Variants in TLN2 observed in about 807,000 individuals in gnomAD.
The protein encoded by TLN2 is talin 2.
In TLN2, 118 loss-of-function variants were observed where a neutral mutation model predicts 294.7. The observed-to-expected ratio is 0.40, with a 90% CI of 0.34 to 0.47. The LOEUF (loss-of-function observed/expected upper bound fraction) is 0.47, where lower values mean the gene tolerates loss of function less well. Among genes scored for constraint, TLN2 ranks in the 20% least tolerant of loss-of-function variants. The probability of loss-of-function intolerance (pLI) is 0.84; values close to 1 mark genes in which losing one functional copy is unlikely to be tolerated. For missense variants in TLN2, 3,083 were observed against 3,282.2 expected, an observed-to-expected ratio of 0.94 and a Z score of 1.48; for synonymous variants, 1,431 against 1,304.5, an observed-to-expected ratio of 1.10 and a Z score of -2.09.
intron 1 of TLN2, among the ~76,000 whole-genome samples, chr15:62,428,104 T>C (rs1259380170): frequency 6.6e-6 from 1 of 152,194 alleles, no homozygotes; most frequent in Admixed American, 6.5e-5. Context: ...GTCTTGGGTT[T>C]CACAGTCCCA....
intron 9 of TLN2, among the ~76,000 whole-genome samples, chr15:62,664,875 A>AAAAAAAAAAAAAAAATG (rs1555462003): frequency 6.8e-6 from 1 of 146,488 alleles, no homozygotes; most frequent in African/African-American, 2.7e-5. Context: ...AAAAAAAAAA[A>AAAAAAAAAAAAAAAATG]AAAGTGGCTA....
chr15:62,470,414 A>G (rs1361542354), intron 1 of TLN2, among the ~76,000 whole-genome samples: 1 of 152,266 alleles, frequency 6.6e-6, no homozygotes. Flanking sequence ...CCTTAAGTCA[A>G]AGGCCTGGGC....
chr15:62,667,884 T>G (rs1018616165), intron 9 of TLN2, among the ~76,000 whole-genome samples: 1 of 152,246 alleles, frequency 6.6e-6, no homozygotes, highest in Non-Finnish European at 1.5e-5. Flanking sequence ...GTGAAGATAC[T>G]GCCATTTGTG....
intron 1 of TLN2, among the ~76,000 whole-genome samples, chr15:62,513,913 G>GATTT (rs1310460361): frequency 6.6e-6 from 1 of 152,204 alleles, no homozygotes; most frequent in African/African-American, 2.4e-5. Context: ...CTGTTACACT[G>GATTT]ATTTCTGTCT....
intron 28 of TLN2, among the ~76,000 whole-genome samples, chr15:62,728,157 G>A (rs1270854649): frequency 6.6e-6 from 1 of 152,038 alleles, no homozygotes; most frequent in Non-Finnish European, 1.5e-5. Context: ...TCCTTCCCCA[G>A]AGTTAAACGC....
intron 40 of TLN2, among the ~76,000 whole-genome samples, chr15:62,763,922 T>C (rs527325400): frequency 6.6e-6 from 1 of 152,158 alleles, no homozygotes; most frequent in African/African-American, 2.4e-5. Flanking sequence ...GGTACTGGGG[T>C]GGAAAGTTCA....
In TLN2 at chr15:62,489,935, A is replaced by C. The variant is rs140123659; in HGVS notation, c.-238+99250A>C. On this transcript the variant is annotated intron_variant, in intron 1 of 58. Transcript: ENST00000636159. ...CTTCAGATGATTGTAGCTCCTGCCC[A>C]CATTCTGAGTCCAACTCAGTGAAAG... Among the ~76,000 whole-genome samples the C allele has an allele frequency of 6.9e-3, 1,057 of 152,328 alleles. 13 individuals are homozygous for C. Among genetic ancestry groups the C allele is most frequent in the African/African-American group, 0.024 (1,001 of 41,582 alleles).
intron 14 of TLN2, among the ~76,000 whole-genome samples, chr15:62,696,130 CT>C (rs1021339757): frequency 1.3e-5 from 2 of 152,250 alleles, no homozygotes; most frequent in African/African-American, 4.8e-5. Flanking sequence ...CACCCCACCC[CT>C]AGACTGCAGT....
chr15:62,603,038 G>A (rs936302845), intron 2 of TLN2, among the ~76,000 whole-genome samples: 1 of 151,948 alleles, frequency 6.6e-6, no homozygotes, highest in Non-Finnish European at 1.5e-5. Context: ...GACTACAAGC[G>A]CCAGCCACCA....
At chr15:62,675,143 A>T (rs1878785) in intron 10 of TLN2, 74 bp from the exon 11 acceptor site, 2 of 1,396,444 alleles carry the variant, frequency 1.4e-6, no homozygotes, top group South Asian at 1.2e-5. Flanking sequence ...CACCACATAC[A>T]GTAACTACCT....
intron 22 of TLN2, among the ~76,000 whole-genome samples, chr15:62,712,288 A>G (rs1007166084): frequency 1.3e-5 from 2 of 152,232 alleles, no homozygotes; most frequent in African/African-American, 4.8e-5. Flanking sequence ...TGACTCAGCC[A>G]TAGTAGCAAA....
intron 37 of TLN2, among the ~76,000 whole-genome samples, chr15:62,760,514 T>A (rs2141018877): frequency 6.6e-6 from 1 of 152,328 alleles, no homozygotes; most frequent in South Asian, 2.1e-4. Flanking sequence ...AGTGGTCATT[T>A]AACAAGGAAA....
intron 45 of TLN2, among the ~76,000 whole-genome samples, chr15:62,788,120 G>A (rs2064824899): frequency 2.0e-5 from 3 of 151,772 alleles, no homozygotes; most frequent in South Asian, 4.2e-4. Flanking sequence ...AGACCAGCCT[G>A]GGCAACATGG....
chr15:62,758,170 G>A (rs2062428134), intron 37 of TLN2, among the ~76,000 whole-genome samples: 1 of 152,040 alleles, frequency 6.6e-6, no homozygotes, highest in African/African-American at 2.4e-5. Context: ...GAAGGGAGGG[G>A]AGCCACCAAG....
chr15:62,750,285 A>G, intron 33 of TLN2, 117 bp from the exon 34 acceptor site: 1 of 814,198 alleles, frequency 1.2e-6, no homozygotes. Flanking sequence ...TCTGAGTAAA[A>G]GTGATCATGA....
At chr15:62,776,944 A>G (rs1470446321) in intron 43 of TLN2, 34 bp downstream of exon 43, 1 of 1,438,712 alleles carries the variant, frequency 7.0e-7, no homozygotes, top group East Asian at 2.6e-5. Flanking sequence ...CTACTCCCTT[A>G]TCTCCCTCAC....
At chr15:62,409,437 G>A (rs763137538) in intron 1 of TLN2, among the ~76,000 whole-genome samples, 2 of 152,082 alleles carry the variant, frequency 1.3e-5, no homozygotes, top group Non-Finnish European at 2.9e-5. Flanking sequence ...TCTGGCTGTT[G>A]CAGGGTCTCA....
At chr15:62,662,750 ATG>A (rs1156387638) in intron 9 of TLN2, among the ~76,000 whole-genome samples, 6 of 151,820 alleles carry the variant, frequency 4.0e-5, no homozygotes, top group Non-Finnish European at 8.8e-5. Context: ...TAATATATTC[ATG>A]ATGATGAATG....
intron 1 of TLN2, among the ~76,000 whole-genome samples, chr15:62,403,323 A>G (rs2033160596): frequency 6.6e-6 from 1 of 152,110 alleles, no homozygotes; most frequent in Non-Finnish European, 1.5e-5. Flanking sequence ...TTCATAGTAA[A>G]AATATTTGAA....
Sources: allele counts gnomAD v4.1 joint callset (sites outside exome capture counted in the v4.1 genomes callset), GRCh38; gene constraint gnomAD v4.1.1; transcripts MANE v1.5; gene names NCBI Gene and HGNC (gene_info 2026-07-23, HGNC 2026-07-21).